PI4KA: variants seen among roughly 807,000 people sequenced by gnomAD.
PI4KA encodes the protein PI4-kinase alpha.
In PI4KA, 122 loss-of-function variants were observed where a neutral mutation model predicts 271.4. That is an observed-to-expected ratio of 0.45 (90% CI 0.39 to 0.52). PI4KA has a LOEUF of 0.52. PI4KA is among the 20% of genes least tolerant of loss of function. PI4KA has a pLI of 0.00. For missense variants in PI4KA, 1,969 were observed against 2,769.1 expected, an observed-to-expected ratio of 0.71 and a Z score of 6.48; for synonymous variants, 1,041 against 1,078.8, an observed-to-expected ratio of 0.96 and a Z score of 0.69.
chr22:20,750,273 G>A (rs1930524307), intron 27 of PI4KA, among the ~76,000 whole-genome samples: 5 of 152,224 alleles, frequency 3.3e-5, no homozygotes, highest in Admixed American at 3.3e-4. Context: ...AGGGAGGAGG[G>A]TGTGCACAGA....
chr22:20,780,775 CAAA>C (rs538327544), intron 19 of PI4KA, among the ~76,000 whole-genome samples: 3 of 67,682 alleles, frequency 4.4e-5, no homozygotes, highest in African/African-American at 6.6e-5. Flanking sequence ...GACTCCATCT[CAAA>C]AAAAAAAAAA....
At chr22:20,790,889 C>G (rs1934602208) in intron 19 of PI4KA, among the ~76,000 whole-genome samples, 1 of 152,088 alleles carries the variant, frequency 6.6e-6, no homozygotes, top group South Asian at 2.1e-4. Flanking sequence ...TAACCATTAA[C>G]TTTCACTAAA....
chr22:20,779,764 T>A, intron 19 of PI4KA: 1 of 1,614,178 alleles, frequency 6.2e-7, no homozygotes, highest in Non-Finnish European at 8.5e-7. Flanking sequence ...TTCGATAACA[T>A]CTTCATAGCA....
chr22:20,795,264 T>C (rs570066217), intron 18 of PI4KA, among the ~76,000 whole-genome samples: 3 of 152,084 alleles, frequency 2.0e-5, no homozygotes, highest in East Asian at 1.9e-4. Context: ...TCATATTCCT[T>C]TCCTTATTTA....
rs115812614 is a variant in PI4KA, at chr22:20,773,617, T to C, written c.2329-7924A>G. Among the ~76,000 whole-genome samples the C allele has an allele frequency of 4.7e-3, 721 of 152,300 alleles. 5 individuals are homozygous for C. Among genetic ancestry groups the C allele is most frequent in the African/African-American group, 0.017 (691 of 41,564 alleles). On this transcript the variant is annotated intron_variant, in intron 19 of 54. Transcript: ENST00000255882. Reference sequence around the variant, plus strand: ...CCCCTTATTCTGTAAGCCACTAATTTTGTCCTCTCTCCTCCACCTTTCACT... The same window carrying C: ...CCCCTTATTCTGTAAGCCACTAATTCTGTCCTCTCTCCTCCACCTTTCACT...
At chr22:20,801,258 G>A (rs563643925) in intron 14 of PI4KA, among the ~76,000 whole-genome samples, 98 of 152,008 alleles carry the variant, frequency 6.4e-4, no homozygotes, top group African/African-American at 2.2e-3. Flanking sequence ...TAGATCAAGT[G>A]TAGGTTTAAA....
At chr22:20,748,765 T>C (rs1362328357) in intron 28 of PI4KA, among the ~76,000 whole-genome samples, 2 of 152,160 alleles carry the variant, frequency 1.3e-5, no homozygotes, top group Admixed American at 1.3e-4. Flanking sequence ...GAGTGACTAA[T>C]AATCAAGTTT....
chr22:20,752,997 C>A lies in PI4KA; in HGVS notation c.2893G>T (p.Glu965Ter), dbSNP rs1384842758. ...AKTKENEEEL[E>*]RHAQFLLVNF... ...ACCAACAGGAACTGAGCGTGCCGCTCCAGCTCCTCCTCGTTCTCCTTGGTC... is the reference window on the plus strand; with the variant it reads ...ACCAACAGGAACTGAGCGTGCCGCTACAGCTCCTCCTCGTTCTCCTTGGTC... Residue 965 changes from glutamate (E) to a stop codon, truncating the protein, a stop_gained, in exon 25 of 55, where the codon GAG becomes TAG. Coordinates refer to ENST00000255882, the MANE Select transcript of PI4KA (RefSeq NM_058004.4). LOFTEE classifies it high-confidence loss of function. 6.2e-7 allele frequency: 1 copy of A among 1,614,224 alleles called. No homozygotes were observed. The highest frequency in any genetic ancestry group is 1.6e-4 in the Middle Eastern group (1 of 6,062).
Position 20,729,518 on chromosome 22 carries a change from A to T in PI4KA, c.4489-12T>A. 1 of 1,573,594 alleles carries T rather than the reference A, an allele frequency of 6.4e-7. No individual in the cohort carries two copies. Among genetic ancestry groups the T allele is most frequent in the Non-Finnish European group, 8.6e-7 (1 of 1,158,436 alleles). ...TCGATCTCAGTGGCCTGGCAAGATA[A>T]GACATAAGGCCTGATATGCACCCCT... On this transcript the variant is annotated splice_polypyrimidine_tract_variant and intron_variant, in intron 38 of 54. Transcript: ENST00000255882.
intron 23 of PI4KA, among the ~76,000 whole-genome samples, chr22:20,758,389 A>AC (rs1568996906): frequency 3.5e-5 from 2 of 57,198 alleles, no homozygotes; most frequent in Non-Finnish European, 6.5e-5. Flanking sequence ...AAAAAAAAAA[A>AC]CATGAGATTC....
At chr22:20,709,822 T>G in intron 53 of PI4KA, 86 bp downstream of exon 53, 1 of 819,812 alleles carries the variant, frequency 1.2e-6, no homozygotes, top group Admixed American at 1.8e-5. Flanking sequence ...CAGTGACAAT[T>G]ACATGAAAGG....
At chr22:20,787,906 C>T (rs527921703) in intron 19 of PI4KA, among the ~76,000 whole-genome samples, 2 of 152,248 alleles carry the variant, frequency 1.3e-5, no homozygotes, top group Non-Finnish European at 2.9e-5. Context: ...GTGCAGTACC[C>T]CAGAACTGTG....
rs1441357795 is a variant in PI4KA at position 20,734,517 on chromosome 22, C to A, written c.3778G>T (p.Val1260Leu). 1 of 1,614,006 alleles carries A rather than the reference C, an allele frequency of 6.2e-7. No homozygotes were observed. The highest frequency in any genetic ancestry group is 8.5e-7 in the Non-Finnish European group (1 of 1,179,876). ...GAAAACAGGCCAAATTTCTGCTCCA[C>A]CGTCATGTGCCAGGCCCCTGCCATC... ...REMAGAWHMT[V>L]EQKFGLFSAE... Residue 1260 changes from valine to leucine, a missense_variant, in exon 33 of 55, where the codon GTG becomes TTG. Physicochemically the swap from Val to Leu is conservative, Grantham distance 32. This residue lies in a region of PI4KA where 203 missense variants were observed against 256.8 expected (regional missense o/e 0.79). Transcript: ENST00000255882.
intron 19 of PI4KA, chr22:20,784,293 G>A: frequency 6.2e-7 from 1 of 1,613,000 alleles, no homozygotes. Flanking sequence ...GATGCTGGGG[G>A]TGTCTGGGAA....
chr22:20,754,080 G>A (rs528189845), intron 23 of PI4KA, among the ~76,000 whole-genome samples: 3 of 151,804 alleles, frequency 2.0e-5, no homozygotes, highest in East Asian at 3.9e-4. Flanking sequence ...TTGAGTTACC[G>A]TTTTTCCCTT....
chr22:20,819,969 C>T (rs1163089242), intron 5 of PI4KA, 69 bp from the exon 6 acceptor site: 2 of 1,331,718 alleles, frequency 1.5e-6, no homozygotes, highest in African/African-American at 1.5e-5. Context: ...TAAGTACTAA[C>T]TTGTAACATT....
rs1368364498 is a variant in PI4KA at position 20,805,094 on chromosome 22, G to A, written c.1240C>T (p.Leu414Phe). ...LEQFNTSQGE[L>F]QKILHDADRI... Reference sequence around the variant, plus strand: ...TCTGCGTCATGTAGAATCTTCTGGAGCTCCCCCTGGCTCGTGTTGAACTGC... The same window carrying A: ...TCTGCGTCATGTAGAATCTTCTGGAACTCCCCCTGGCTCGTGTTGAACTGC... The change falls in exon 11 of 55, where the codon CTC (leucine) becomes TTC (phenylalanine). Residue 414 changes from leucine (L) to phenylalanine (F), a missense_variant. This residue lies in a region of PI4KA where 540 missense variants were observed against 555.5 expected (regional missense o/e 0.97). Transcript: ENST00000255882. The A allele has an allele frequency of 6.2e-7, 1 of 1,614,026 alleles. No individual in the cohort carries two copies. Among genetic ancestry groups the A allele is most frequent in the Admixed American group, 1.7e-5 (1 of 60,014 alleles).
intron 17 of PI4KA, among the ~76,000 whole-genome samples, chr22:20,796,662 G>A (rs1193135840): frequency 1.3e-5 from 2 of 152,226 alleles, no homozygotes; most frequent in East Asian, 3.8e-4. Context: ...CCATGCCCAG[G>A]CATTCCAGGT....
intron 48 of PI4KA, 52 bp downstream of exon 48, chr22:20,713,229 G>C: frequency 2.3e-6 from 3 of 1,302,630 alleles, no homozygotes; most frequent in Non-Finnish European, 3.3e-6. Flanking sequence ...CTGGAGCCTT[G>C]GGGAGCAGCA....
Sources: gnomAD v4.1 joint callset for allele counts (sites outside exome capture counted in the v4.1 genomes callset) on GRCh38, gnomAD v4.1.1 for gene constraint, gnomAD v4.1.1 regional missense constraint, MANE v1.5 for transcripts, NCBI Gene and HGNC (gene_info 2026-07-23, HGNC 2026-07-21) for gene names.